The following VPS37A variants were observed in gnomAD, a reference collection of about 807,000 sequenced individuals.
VPS37A encodes the protein vacuolar protein sorting-associated protein 37A.
In VPS37A, 30 loss-of-function variants were observed where a neutral mutation model predicts 49.8. That is an observed-to-expected ratio of 0.60 (90% CI 0.45 to 0.82). VPS37A has a LOEUF of 0.82. VPS37A is among the 40% of genes least tolerant of loss of function. The pLI is 0.00. For missense variants in VPS37A, 593 were observed against 464.4 expected (o/e 1.28, Z -2.55); for synonymous variants, 195 against 160.6 (o/e 1.21, Z -1.62).
intron 10 of VPS37A, among the ~76,000 whole-genome samples, 172 bp from the exon 11 acceptor site, chr8:17,286,175 A>G (rs1815568701): frequency 6.6e-6 from 1 of 152,186 alleles, no homozygotes; most frequent in South Asian, 2.1e-4. Flanking sequence ...TGCTAATGAA[A>G]TGAATTTGCT....
Position 17,247,201 on chromosome 8 carries a change from A to T in VPS37A, c.-44A>T, listed in dbSNP as rs1237429914. 6.4e-7 allele frequency: 1 copy of T among 1,557,198 alleles called. No individual in the cohort carries two copies. On this transcript the variant is annotated 5_prime_UTR_variant, in exon 1 of 12. Coordinates refer to ENST00000324849, the MANE Select transcript of VPS37A (RefSeq NM_152415.3). ...GCCGGGCCGAGCCACTGGGAGAAGC[A>T]GGCCAGAGCCTTCCAGGGCCTCCGG...
rs149635216 is a variant in VPS37A, at chr8:17,258,970, G to A, written c.126-6937G>A. 4.3e-3 allele frequency among the ~76,000 whole-genome samples: 656 copies of A among 152,002 alleles called. 21 individuals are homozygous for A. The highest frequency in any genetic ancestry group is 0.039 in the Admixed American group (597 of 15,272). On this transcript the variant is annotated intron_variant, in intron 1 of 11. Transcript: ENST00000324849. ...GTTGTCACATCTTCTTTTTCATTGT[G>A]ACTTCATTTATTTGGGTCTTCTCTC...
chr8:17,252,628 C>G (rs1430466631), intron 1 of VPS37A, among the ~76,000 whole-genome samples: 1 of 152,172 alleles, frequency 6.6e-6, no homozygotes, highest in Non-Finnish European at 1.5e-5. Context: ...CACATAGCAA[C>G]ATTTGCTTCA....
the VPS37A span, among the ~76,000 whole-genome samples, chr8:17,308,324 A>G: frequency 6.6e-6 from 1 of 152,218 alleles, no homozygotes; most frequent in Admixed American, 6.5e-5. Context: ...TAGAACCCCA[A>G]ACTGAAAATA....
chr8:17,253,449 C>G lies in VPS37A; in HGVS notation c.125+6080C>G, dbSNP rs1015500719. ...AAGGCCAGCCACCTTAACTTGATTCCTGGTTGTCACAGAAGATGGTGATGT... is the reference window on the plus strand; with the variant it reads ...AAGGCCAGCCACCTTAACTTGATTCGTGGTTGTCACAGAAGATGGTGATGT... On this transcript the variant is annotated intron_variant, in intron 1 of 11. Coordinates refer to ENST00000324849, the MANE Select transcript of VPS37A (RefSeq NM_152415.3). Among the ~76,000 whole-genome samples the G allele has an allele frequency of 7.6e-4, 115 of 152,180 alleles. 3 individuals are homozygous for G. The highest frequency in any genetic ancestry group is 2.9e-5 in the Non-Finnish European group (2 of 68,044).
chr8:17,269,403 C>CT (rs1813776720), intron 4 of VPS37A, among the ~76,000 whole-genome samples: 1 of 151,762 alleles, frequency 6.6e-6, no homozygotes, highest in South Asian at 2.1e-4. Flanking sequence ...AATTTTTTGC[C>CT]TTTTTTCTGG....
the VPS37A span, among the ~76,000 whole-genome samples, chr8:17,332,818 A>G: frequency 6.6e-6 from 1 of 152,202 alleles, no homozygotes; most frequent in Non-Finnish European, 1.5e-5. Flanking sequence ...AAACCAACTT[A>G]TAGATATGTA....
At chr8:17,273,861 TAC>T (rs1239169292) in intron 4 of VPS37A, among the ~76,000 whole-genome samples, 1 of 152,234 alleles carries the variant, frequency 6.6e-6, no homozygotes, top group African/African-American at 2.4e-5. Context: ...AAAAAATTAA[TAC>T]ATTTTGAAAC....
chr8:17,268,983 A>T (rs1448679225), intron 4 of VPS37A, 27 bp downstream of exon 4: 5 of 1,477,762 alleles, frequency 3.4e-6, no homozygotes, highest in Non-Finnish European at 4.6e-6. Context: ...TAAATAAAAA[A>T]GTCTGCCTGT....
intron 4 of VPS37A, among the ~76,000 whole-genome samples, chr8:17,269,581 A>T (rs1813789142): frequency 6.6e-6 from 1 of 152,202 alleles, no homozygotes; most frequent in African/African-American, 2.4e-5. Flanking sequence ...GTAAGATAAT[A>T]CCTGGGTTTC....
At chr8:17,330,160 C>T in the VPS37A span, among the ~76,000 whole-genome samples, 21 of 152,196 alleles carry the variant, frequency 1.4e-4, no homozygotes, top group African/African-American at 4.8e-4. Context: ...TTTCTCCAAC[C>T]CCAACGTTAG....
intron 1 of VPS37A, among the ~76,000 whole-genome samples, chr8:17,256,912 T>C (rs1031685151): frequency 6.6e-6 from 1 of 152,072 alleles, no homozygotes; most frequent in Non-Finnish European, 1.5e-5. Context: ...TTGGCCTCAC[T>C]GTGTAGGTTT....
chr8:17,328,715 T>G, the VPS37A span, among the ~76,000 whole-genome samples: 1 of 152,120 alleles, frequency 6.6e-6, no homozygotes, highest in African/African-American at 2.4e-5. Context: ...AACTTAAAAA[T>G]TTTAAATAAA....
chr8:17,253,233 A>T (rs763947011), intron 1 of VPS37A, among the ~76,000 whole-genome samples: 14 of 152,164 alleles, frequency 9.2e-5, no homozygotes, highest in Non-Finnish European at 1.5e-4. Context: ...TGCTCACCTA[A>T]GCCGAAAACC....
intron 9 of VPS37A, among the ~76,000 whole-genome samples, chr8:17,281,672 A>G (rs948915431): frequency 1.3e-5 from 2 of 152,058 alleles, no homozygotes; most frequent in African/African-American, 4.8e-5. Context: ...TATAACATAA[A>G]AAGAAGAAAT....
chr8:17,326,314 A>G, the VPS37A span: 2 of 152,218 alleles, frequency 1.3e-5, no homozygotes, highest in East Asian at 3.8e-4. Flanking sequence ...AAGAGTGGCA[A>G]CAACAACTTC....
chr8:17,290,394 G>A (rs1487008345), intron 11 of VPS37A, among the ~76,000 whole-genome samples: 1 of 152,142 alleles, frequency 6.6e-6, no homozygotes, highest in Non-Finnish European at 1.5e-5. Context: ...GCATGAAGGG[G>A]TGTTGAATTT....
At chr8:17,260,258 C>T (rs1360195019) in intron 1 of VPS37A, among the ~76,000 whole-genome samples, 1 of 151,840 alleles carries the variant, frequency 6.6e-6, no homozygotes, top group Non-Finnish European at 1.5e-5. Flanking sequence ...ATGAGGTTTA[C>T]AAAAAACATA....
In VPS37A at chr8:17,274,834, T is replaced by C; in HGVS notation, c.518T>C (p.Leu173Ser). The C allele has an allele frequency of 6.2e-7, 1 of 1,614,192 alleles. No individual in the cohort carries two copies. The highest frequency in any genetic ancestry group is 1.1e-5 in the South Asian group (1 of 91,088). ...GAAGCAAACAGGAGTATCACTTCTT[T>C]ATCTGTTGCTGACACTGTTTCTTCT... ...PQEANRSITSLSVADTVSSST... is the reference protein window; with the variant it reads ...PQEANRSITSSSVADTVSSST... The change falls in exon 5 of 12, where the codon TTA becomes TCA. Residue 173 changes from leucine to serine, a missense_variant. By Grantham distance (145) the Leu-to-Ser change is moderately radical (BLOSUM62 -2). Coordinates refer to ENST00000324849, the MANE Select transcript of VPS37A (RefSeq NM_152415.3).
Sources: gnomAD v4.1 joint callset for allele counts (sites outside exome capture counted in the v4.1 genomes callset) on GRCh38, gnomAD v4.1.1 for gene constraint, MANE v1.5 for transcripts, NCBI Gene and HGNC (gene_info 2026-07-23, HGNC 2026-07-21) for gene names.